The following CDH13 variants were observed in gnomAD, a reference collection of about 807,000 sequenced individuals.
CDH13 encodes cadherin-13.
A neutral mutation model predicts 63.8 loss-of-function variants in CDH13; 24 were observed. The ratio of observed to expected loss-of-function variants is 0.38; its 90% CI spans 0.27 to 0.53. The LOEUF (loss-of-function observed/expected upper bound fraction) is 0.53, where lower values mean the gene tolerates loss of function less well. CDH13 is among the 20% of genes least tolerant of loss of function. CDH13 has a pLI of 0.85. For missense variants in CDH13, 1,049 were observed against 903.1 expected, an observed-to-expected ratio of 1.16 and a Z score of -2.07; for synonymous variants, 503 against 355.3, an observed-to-expected ratio of 1.42 and a Z score of -4.67.
rs146007053 is a variant in CDH13 at position 83,329,280 on chromosome 16, C to T, written c.637-15582C>T. On this transcript the variant is annotated intron_variant, in intron 5 of 13. Coordinates refer to ENST00000567109, the MANE Select transcript of CDH13 (RefSeq NM_001257.5). ...CGGCTCTGTTGCCCAGGCTGGAGTG[C>T]AGTGGCACAGTCTCAGCTCACTGCA... Among the ~76,000 whole-genome samples, 129 of 152,312 alleles carry T rather than the reference C, an allele frequency of 8.5e-4. 3 individuals are homozygous for T. The highest frequency in any genetic ancestry group is 6.8e-3 in the Middle Eastern group (2 of 294).
At chr16:83,661,230 T>C (rs1913413337) in intron 8 of CDH13, among the ~76,000 whole-genome samples, 1 of 152,172 alleles carries the variant, frequency 6.6e-6, no homozygotes, top group Non-Finnish European at 1.5e-5. Context: ...CTCACACCTA[T>C]AATTGCAGCA....
intron 6 of CDH13, among the ~76,000 whole-genome samples, chr16:83,357,536 A>G (rs371876876): frequency 3.4e-4 from 51 of 152,000 alleles, no homozygotes; most frequent in African/African-American, 1.2e-3. Context: ...GTGTTTGCTG[A>G]TTTCAGACAC....
chr16:82,905,781 A>G (rs1280659155), intron 2 of CDH13, among the ~76,000 whole-genome samples: 1 of 152,194 alleles, frequency 6.6e-6, no homozygotes, highest in Non-Finnish European at 1.5e-5. Context: ...CTAAGTTGTT[A>G]GAATCCAGTG....
intron 2 of CDH13, among the ~76,000 whole-genome samples, chr16:82,861,512 C>T (rs980600963): frequency 6.6e-6 from 1 of 152,160 alleles, no homozygotes; most frequent in Admixed American, 6.5e-5. Flanking sequence ...AATGTTTATT[C>T]TGTGGATGGC....
intron 3 of CDH13, among the ~76,000 whole-genome samples, chr16:83,041,229 C>T (rs1166778464): frequency 2.6e-5 from 4 of 152,106 alleles, no homozygotes; most frequent in African/African-American, 9.6e-5. Context: ...TTTGTCATTA[C>T]AAGAATTTCT....
At chr16:83,320,617 T>A (rs1230620901) in intron 5 of CDH13, among the ~76,000 whole-genome samples, 1 of 152,192 alleles carries the variant, frequency 6.6e-6, no homozygotes, top group East Asian at 1.9e-4. Flanking sequence ...CAAGAACAGA[T>A]TTTTCCCCCA....
chr16:82,662,760 G>T (rs1912110264), intron 1 of CDH13, among the ~76,000 whole-genome samples: 1 of 152,206 alleles, frequency 6.6e-6, no homozygotes, highest in Non-Finnish European at 1.5e-5. Context: ...GCGCCTGAGA[G>T]GCTTAAACAA....
intron 2 of CDH13, chr16:82,953,382 G>A (rs1235401046): frequency 6.6e-6 from 1 of 152,116 alleles, no homozygotes; most frequent in Non-Finnish European, 1.5e-5. Flanking sequence ...ACCAACATGG[G>A]GTTTCTAGCT....
chr16:83,439,919 T>C (rs2072434372), intron 6 of CDH13, among the ~76,000 whole-genome samples: 1 of 152,204 alleles, frequency 6.6e-6, no homozygotes, highest in Non-Finnish European at 1.5e-5. Flanking sequence ...AAAAATTCTA[T>C]GTAGGTCAAC....
At chr16:82,961,343 C>T (rs992711740) in intron 2 of CDH13, among the ~76,000 whole-genome samples, 1 of 152,132 alleles carries the variant, frequency 6.6e-6, no homozygotes, top group African/African-American at 2.4e-5. Flanking sequence ...CGTCACTAAC[C>T]TATGGTTCTG....
intron 5 of CDH13, among the ~76,000 whole-genome samples, chr16:83,317,458 T>C (rs2090131686): frequency 6.6e-6 from 1 of 152,162 alleles, no homozygotes; most frequent in Non-Finnish European, 1.5e-5. Context: ...AAAGTCTTTC[T>C]GGTTGGGCTT....
At chr16:83,150,710 C>T (rs1403132811) in intron 4 of CDH13, among the ~76,000 whole-genome samples, 1 of 152,166 alleles carries the variant, frequency 6.6e-6, no homozygotes, top group East Asian at 1.9e-4. Flanking sequence ...GTAAGCAACT[C>T]TTAGGAATTA....
At chr16:83,469,880 G>A (rs1364794960) in intron 6 of CDH13, among the ~76,000 whole-genome samples, 2 of 152,310 alleles carry the variant, frequency 1.3e-5, no homozygotes, top group East Asian at 1.9e-4. Flanking sequence ...TACAATGTGT[G>A]CATTACACAC....
At chr16:83,349,370 T>C (rs75876716) in intron 6 of CDH13, among the ~76,000 whole-genome samples, 3,492 of 152,214 alleles carry the variant, frequency 0.023, 48 homozygotes, top group East Asian at 0.055. Context: ...CCCCATCATG[T>C]CTTGTTGGCA....
chr16:83,014,759 T>A (rs1247535858), intron 2 of CDH13, among the ~76,000 whole-genome samples: 2 of 48,856 alleles, frequency 4.1e-5, no homozygotes, highest in Non-Finnish European at 8.3e-5. Flanking sequence ...TATATATATA[T>A]ATATATATAT....
chr16:83,622,424 C>G (rs765192045), intron 8 of CDH13, among the ~76,000 whole-genome samples: 2 of 152,154 alleles, frequency 1.3e-5, no homozygotes, highest in East Asian at 1.9e-4. Flanking sequence ...GAGACTCGGA[C>G]GAGAAAGTCA....
chr16:83,090,695 C>T (rs1031510491), intron 3 of CDH13, among the ~76,000 whole-genome samples: 28 of 152,210 alleles, frequency 1.8e-4, no homozygotes, highest in South Asian at 6.2e-4. Context: ...AAGTCTTCCC[C>T]GTCTGTCTGC....
At chr16:83,753,456 G>T (rs1913255241) in intron 11 of CDH13, among the ~76,000 whole-genome samples, 1 of 152,054 alleles carries the variant, frequency 6.6e-6, no homozygotes, top group African/African-American at 2.4e-5. Flanking sequence ...GAGGAAGGAG[G>T]ATCACCTGAA....
intron 1 of CDH13, among the ~76,000 whole-genome samples, chr16:82,775,904 G>A (rs561776660): frequency 1.3e-5 from 2 of 152,102 alleles, no homozygotes; most frequent in East Asian, 3.9e-4. Flanking sequence ...AGTATGAAAG[G>A]AGCAGTAAGA....
Sources: gnomAD v4.1 joint callset for allele counts (sites outside exome capture counted in the v4.1 genomes callset) on GRCh38, gnomAD v4.1.1 for gene constraint, MANE v1.5 for transcripts, NCBI Gene and HGNC (gene_info 2026-07-23, HGNC 2026-07-21) for gene names.